The following MAN1C1 variants were observed in gnomAD, a reference collection of about 807,000 sequenced individuals.
MAN1C1 encodes the protein mannosidase alpha class 1C member 1.
MAN1C1 carries 49 observed loss-of-function variants against 71.5 expected under a neutral mutation model. That is an observed-to-expected ratio of 0.69 (90% CI 0.54 to 0.87). MAN1C1 has a LOEUF of 0.87. Ranked by LOEUF, MAN1C1 falls within the 40% of genes least tolerant of loss-of-function variation. The probability of loss-of-function intolerance (pLI) is 0.00; values close to 1 mark genes in which losing one functional copy is unlikely to be tolerated. For synonymous variants in MAN1C1, 352 were observed against 343.7 expected (o/e 1.02, Z -0.27); for missense variants, 743 against 835.0 (o/e 0.89, Z 1.36).
chr1:25,692,424 G>A, intron 2 of MAN1C1, among the ~76,000 whole-genome samples: 1 of 152,160 alleles, frequency 6.6e-6, no homozygotes, highest in East Asian at 1.9e-4. Flanking sequence ...ACGGGGTCTT[G>A]CTGTGTTGCC....
chr1:25,734,089 G>A (rs547770780), intron 2 of MAN1C1, among the ~76,000 whole-genome samples: 1 of 151,984 alleles, frequency 6.6e-6, no homozygotes, highest in East Asian at 1.9e-4. Flanking sequence ...GTGAGCCACT[G>A]CGCCCAGCCG....
At position 25,783,798 on chromosome 1, in the gene MAN1C1, C is replaced by A. The variant is rs923929918; in HGVS notation, c.*9C>A. The stretch of plus-strand genomic sequence containing the variant: ...CCTGGGGCAGACACTGACCCCATCT[C>A]CTGCCGCCGCCCTGGGGCCGCCGCA... On this transcript the variant is annotated 3_prime_UTR_variant, in exon 12 of 12. Coordinates refer to ENST00000374332, the MANE Select transcript of MAN1C1 (RefSeq NM_020379.4). 5 of 1,607,772 alleles carry A rather than the reference C, an allele frequency of 3.1e-6. No individual in the cohort carries two copies. The highest frequency in any genetic ancestry group is 4.2e-6 in the Non-Finnish European group (5 of 1,179,302).
chr1:25,758,499 G>C (rs2047318563), intron 5 of MAN1C1, 93 bp from the exon 6 acceptor site: 2 of 1,039,874 alleles, frequency 1.9e-6, no homozygotes, highest in Admixed American at 1.7e-5. Flanking sequence ...CTGTCACATA[G>C]TAGGTGCCCC....
At chr1:25,668,594 C>T (rs2045954732) in intron 1 of MAN1C1, among the ~76,000 whole-genome samples, 1 of 148,628 alleles carries the variant, frequency 6.7e-6, no homozygotes, top group Non-Finnish European at 1.5e-5. Context: ...CTTGCTCAGT[C>T]ACCCAGGCTG....
Position 25,617,845 on chromosome 1 carries a change from G to C in MAN1C1, c.48G>C (p.Gly16=), listed in dbSNP as rs2045128611. 6.2e-7 allele frequency: 1 copy of C among 1,606,216 alleles called. No homozygotes were observed. The highest frequency in any genetic ancestry group is 1.3e-5 in the African/African-American group (1 of 74,244). The stretch of plus-strand genomic sequence containing the variant: ...GCTTCGTCCCGGCCTCCCCGTGGGG[G>C]CTGCGGCTGCCGCAGAAGTTCCTCT... The part of the protein sequence containing the change: ...VPGFVPASPW[G]LRLPQKFLFL... Residue 16 remains glycine (G), a synonymous_variant, in exon 1 of 12, where the codon GGG becomes GGC. Coordinates refer to ENST00000374332, the MANE Select transcript of MAN1C1 (RefSeq NM_020379.4). This position sits in a 1 kb window ranked among gnomAD's most constrained non-coding sequence, Gnocchi z 5.1.
chr1:25,629,248 C>T (rs2045344855), intron 1 of MAN1C1, among the ~76,000 whole-genome samples: 1 of 152,100 alleles, frequency 6.6e-6, no homozygotes, highest in Admixed American at 6.6e-5. Context: ...CACATCAATG[C>T]CAATGTCTAT....
intron 1 of MAN1C1, among the ~76,000 whole-genome samples, chr1:25,662,969 G>A (rs561689348): frequency 3.3e-5 from 5 of 151,734 alleles, no homozygotes; most frequent in African/African-American, 1.2e-4. Context: ...TGAGGCAGAA[G>A]AATTGCTTGA....
At chr1:25,739,460 A>G (rs761437164) in intron 2 of MAN1C1, among the ~76,000 whole-genome samples, 5 of 152,200 alleles carry the variant, frequency 3.3e-5, no homozygotes, top group Non-Finnish European at 5.9e-5. Flanking sequence ...GGAATAGGCT[A>G]TGCCTTGGGT....
intron 2 of MAN1C1, among the ~76,000 whole-genome samples, chr1:25,739,145 A>G (rs1301425524): frequency 6.6e-6 from 1 of 152,244 alleles, no homozygotes; most frequent in Non-Finnish European, 1.5e-5. Context: ...AAAAAAATAA[A>G]GAAAATAGCA....
At chr1:25,655,022 G>A (rs1046681580) in intron 1 of MAN1C1, among the ~76,000 whole-genome samples, 4 of 152,162 alleles carry the variant, frequency 2.6e-5, no homozygotes, top group African/African-American at 9.7e-5. Context: ...AATTGAAGTG[G>A]CTTAAAACAA....
chr1:25,681,240 A>AT (rs2046148794), intron 1 of MAN1C1, among the ~76,000 whole-genome samples: 1 of 149,736 alleles, frequency 6.7e-6, no homozygotes, highest in Non-Finnish European at 1.5e-5. Flanking sequence ...AAAAAAAAAA[A>AT]GAAAAGAAAA....
intron 1 of MAN1C1, chr1:25,645,934 G>A (rs146327291): frequency 6.6e-6 from 1 of 152,408 alleles, no homozygotes; most frequent in Non-Finnish European, 1.5e-5. Context: ...AGTAGCCTTG[G>A]CTTTTGCTGT....
intron 1 of MAN1C1, among the ~76,000 whole-genome samples, chr1:25,637,056 G>A (rs999669784): frequency 6.6e-6 from 1 of 152,150 alleles, no homozygotes; most frequent in African/African-American, 2.4e-5. Flanking sequence ...TTGGCCGGCT[G>A]AGGCAGGAGA....
chr1:25,695,832 G>C (rs189799848), intron 2 of MAN1C1, among the ~76,000 whole-genome samples: 214 of 152,392 alleles, frequency 1.4e-3, no homozygotes, highest in African/African-American at 4.8e-3. Flanking sequence ...AGCCGAGTGA[G>C]CCGGCCTCCT....
Position 25,783,646 on chromosome 1 carries a change from C to T in MAN1C1, c.1767-17C>T. On this transcript the variant is annotated splice_polypyrimidine_tract_variant and intron_variant, in intron 11 of 11. Coordinates refer to ENST00000374332, the MANE Select transcript of MAN1C1 (RefSeq NM_020379.4). ...TGACAGACTGTGTCTTGCTTCCCTG[C>T]CCTGCGTGGGGCACAGGTATCTCTA... The T allele has an allele frequency of 7.5e-6, 12 of 1,609,978 alleles. No individual in the cohort carries two copies. Among genetic ancestry groups the T allele is most frequent in the Non-Finnish European group, 1.0e-5 (12 of 1,179,454 alleles).
chr1:25,663,891 G>A (rs1353181501), intron 1 of MAN1C1, among the ~76,000 whole-genome samples: 1 of 152,200 alleles, frequency 6.6e-6, no homozygotes, highest in Non-Finnish European at 1.5e-5. Flanking sequence ...AGAACATGGT[G>A]TCTGACACAT....
At chr1:25,686,399 T>C in intron 1 of MAN1C1, 41 bp from the exon 2 acceptor site, 1 of 1,563,178 alleles carries the variant, frequency 6.4e-7, no homozygotes. Flanking sequence ...CTGCCAGGAA[T>C]CGTCACACTG....
intron 2 of MAN1C1, among the ~76,000 whole-genome samples, chr1:25,728,025 T>C (rs1474862684): frequency 1.3e-5 from 2 of 152,230 alleles, no homozygotes; most frequent in African/African-American, 4.8e-5. Context: ...GAACAAGTTA[T>C]CAGAGAGAGG....
intron 2 of MAN1C1, among the ~76,000 whole-genome samples, chr1:25,699,319 A>AAG (rs1553188104): frequency 1.3e-5 from 2 of 150,350 alleles, no homozygotes; most frequent in Non-Finnish European, 3.0e-5. Flanking sequence ...AAAAAAAAAA[A>AAG]AAGAAGAAGA....
Sources: allele counts gnomAD v4.1 joint callset (sites outside exome capture counted in the v4.1 genomes callset), GRCh38; gene constraint gnomAD v4.1.1; non-coding constraint Gnocchi (gnomAD v3.1); transcripts MANE v1.5; gene names NCBI Gene and HGNC (gene_info 2026-07-23, HGNC 2026-07-21).